The following SPTLC2 variants were observed in gnomAD, a reference collection of about 807,000 sequenced individuals.
The protein encoded by SPTLC2 is serine palmitoyltransferase long chain base subunit 2, also known as serine palmitoyltransferase 2.
A neutral mutation model predicts 62.0 loss-of-function variants in SPTLC2; 21 were observed. The observed-to-expected ratio is 0.34, with a 90% CI of 0.24 to 0.49. The LOEUF is 0.49. Among genes scored for constraint, SPTLC2 ranks in the 20% least tolerant of loss-of-function variants. The pLI is 0.99. For missense variants in SPTLC2, 511 were observed against 713.0 expected (o/e 0.72, Z 3.23); for synonymous variants, 261 against 261.8 (o/e 1.00, Z 0.03).
intron 9 of SPTLC2, among the ~76,000 whole-genome samples, chr14:77,531,472 TCCCCCTCCCC>T (rs1566770767): frequency 1.1e-5 from 1 of 91,180 alleles, no homozygotes; most frequent in African/African-American, 5.0e-5. Context: ...CTCCTCCTCC[TCCCCCTCCCC>T]CTCCTCCTCC....
At chr14:77,543,791 T>C (rs915762829) in intron 9 of SPTLC2, among the ~76,000 whole-genome samples, 1 of 152,170 alleles carries the variant, frequency 6.6e-6, no homozygotes, top group Admixed American at 6.5e-5. Context: ...TCAGCCAGAA[T>C]CATCAGCTGT....
chr14:77,580,288 GCCTGGCCAA>G (rs2079741193), intron 2 of SPTLC2, among the ~76,000 whole-genome samples: 1 of 152,028 alleles, frequency 6.6e-6, no homozygotes, highest in African/African-American at 2.4e-5. Context: ...TTCAAGACCA[GCCTGGCCAA>G]CATGGCGAAA....
At position 77,508,163 on chromosome 14, in the gene SPTLC2, G is replaced by T. The variant is rs1014436848; in HGVS notation, c.*4121C>A. 7 of 152,168 alleles carry T rather than the reference G, an allele frequency of 4.6e-5. No individual in the cohort carries two copies. Among genetic ancestry groups the T allele is most frequent in the African/African-American group, 1.7e-4 (7 of 41,534 alleles). The allele number at this position is 152,168 out of a possible 1,614,324, so 9.4% of individuals were successfully genotyped here. A position where few individuals can be genotyped will look rare whatever the true frequency, so the allele number is the denominator to read the frequency against. On this transcript the variant is annotated 3_prime_UTR_variant, in exon 12 of 12. Transcript: ENST00000216484. The stretch of plus-strand genomic sequence containing the variant: ...CCCACACAGGTGGGACTACAGGCAG[G>T]CACCACCATGCCCGGTTAATTTAGA...
At chr14:77,562,529 G>A in intron 5 of SPTLC2, 40 bp from the exon 6 acceptor site, 1 of 1,552,402 alleles carries the variant, frequency 6.4e-7, no homozygotes, top group Non-Finnish European at 8.9e-7. Context: ...AAGCTGGAGG[G>A]GAAAGGGTTA....
At chr14:77,616,403 C>T (rs2079967592) in intron 1 of SPTLC2, 45 bp downstream of exon 1, 1 of 1,239,284 alleles carries the variant, frequency 8.1e-7, no homozygotes, top group African/African-American at 1.6e-5. Context: ...GCCCCTCCGC[C>T]AGTCCACACC....
chr14:77,564,271 G>GGAGGAGGAGGAGGAAGAT (rs2079631111), intron 5 of SPTLC2, among the ~76,000 whole-genome samples: 1 of 139,282 alleles, frequency 7.2e-6, no homozygotes, highest in African/African-American at 2.7e-5. Flanking sequence ...AGGAGGAAGA[G>GGAGGAGGAGGAGGAAGAT]GAGGAAGAGG....
intron 9 of SPTLC2, among the ~76,000 whole-genome samples, chr14:77,531,395 GTTAT>G (rs1320571790): frequency 1.3e-5 from 2 of 149,626 alleles, no homozygotes; most frequent in Non-Finnish European, 3.0e-5. Flanking sequence ...AGCCCTGAAA[GTTAT>G]TTCTTCACAG....
In SPTLC2 at chr14:77,545,591, G is replaced by A. The variant is rs375486634; in HGVS notation, c.1303+6505C>T. On this transcript the variant is annotated intron_variant, in intron 9 of 11. Transcript: ENST00000216484. The stretch of plus-strand genomic sequence containing the variant: ...GCCGGGTATCAGGTTCTTACTTTGA[G>A]CAGATTCCATCTATCAGGTCACTGG... 1.6e-4 allele frequency among the ~76,000 whole-genome samples: 25 copies of A among 152,258 alleles called. 1 individual carries two copies. In the East Asian group the frequency reaches 4.6e-3, roughly 28 times the overall value.
chr14:77,542,370 T>C (rs1166321075), intron 9 of SPTLC2, among the ~76,000 whole-genome samples: 1 of 152,196 alleles, frequency 6.6e-6, no homozygotes, highest in Admixed American at 6.5e-5. Flanking sequence ...TAAATGGCAC[T>C]GGAAAATCTT....
chr14:77,610,917 A>ATTT (rs200145456), intron 1 of SPTLC2, among the ~76,000 whole-genome samples: 1 of 138,070 alleles, frequency 7.2e-6, no homozygotes, highest in African/African-American at 2.7e-5. Flanking sequence ...ATATATATAT[A>ATTT]TTTTTATTTA....
At chr14:77,591,734 T>TATGTATGTATG (rs1177821127) in intron 2 of SPTLC2, among the ~76,000 whole-genome samples, 1 of 48,354 alleles carries the variant, frequency 2.1e-5, no homozygotes, top group Non-Finnish European at 4.7e-5. Context: ...ATGTATGTAT[T>TATGTATGTATG]TATTTTTAGA....
chr14:77,555,719 G>A (rs1017283638), intron 7 of SPTLC2, among the ~76,000 whole-genome samples, 200 bp from the exon 8 acceptor site: 3 of 151,806 alleles, frequency 2.0e-5, no homozygotes, highest in African/African-American at 4.8e-5. Context: ...GGGTTCAAGC[G>A]ATTCTTGTGC....
intron 2 of SPTLC2, among the ~76,000 whole-genome samples, chr14:77,589,502 G>A: frequency 7.0e-6 from 1 of 143,726 alleles, no homozygotes; most frequent in Non-Finnish European, 1.5e-5. Context: ...TTTTTTTAGA[G>A]ATAATGGCCA....
At chr14:77,534,178 T>TCTCA (rs1310078233) in intron 9 of SPTLC2, among the ~76,000 whole-genome samples, 1 of 114,904 alleles carries the variant, frequency 8.7e-6, no homozygotes, top group African/African-American at 3.6e-5. Context: ...TCTCTCTCTC[T>TCTCA]CACACACACA....
intron 1 of SPTLC2, among the ~76,000 whole-genome samples, chr14:77,601,057 T>C (rs1329020263): frequency 2.0e-5 from 3 of 152,030 alleles, no homozygotes. Flanking sequence ...TGGTAAGGAG[T>C]AGGGTGGGAC....
chr14:77,536,626 A>G (rs1220540225), intron 9 of SPTLC2, among the ~76,000 whole-genome samples: 1 of 152,172 alleles, frequency 6.6e-6, no homozygotes, highest in African/African-American at 2.4e-5. Context: ...GCCGAGTTTA[A>G]GCAAAACTTT....
chr14:77,603,851 T>C (rs1016248326), intron 1 of SPTLC2, among the ~76,000 whole-genome samples: 1 of 152,184 alleles, frequency 6.6e-6, no homozygotes, highest in Admixed American at 6.5e-5. Context: ...GCTGTAACAC[T>C]TTTCCATCTC....
At chr14:77,542,784 C>T (rs899864146) in intron 9 of SPTLC2, among the ~76,000 whole-genome samples, 5 of 152,138 alleles carry the variant, frequency 3.3e-5, no homozygotes, top group African/African-American at 4.8e-5. Context: ...AGTTTATCAC[C>T]CCCACCCTCT....
At chr14:77,567,072 G>A (rs570178874) in intron 5 of SPTLC2, among the ~76,000 whole-genome samples, 139 of 152,020 alleles carry the variant, frequency 9.1e-4, no homozygotes, top group Non-Finnish European at 1.8e-3. Flanking sequence ...CCGGGTTCAC[G>A]CCATTCTCCT....
Sources: allele counts gnomAD v4.1 joint callset (sites outside exome capture counted in the v4.1 genomes callset), GRCh38; gene constraint gnomAD v4.1.1; transcripts MANE v1.5; gene names NCBI Gene and HGNC (gene_info 2026-07-23, HGNC 2026-07-21).